Variants in UBE2QL1 observed in about 807,000 individuals in gnomAD.
The protein encoded by UBE2QL1 is ubiquitin-conjugating enzyme E2Q-like protein 1.
In UBE2QL1, 5 loss-of-function variants were observed where a neutral mutation model predicts 12.6. The ratio of observed to expected loss-of-function variants is 0.40; its 90% confidence interval spans 0.21 to 0.83. The LOEUF is 0.83. UBE2QL1 is among the 40% of genes least tolerant of loss of function. The pLI, the probability that UBE2QL1 is intolerant of heterozygous loss-of-function variation, is 0.37. For synonymous variants in UBE2QL1, 96 were observed against 94.5 expected (o/e 1.02, Z -0.10); for missense variants, 99 against 222.6 (o/e 0.44, Z 3.53).
chr5:6,485,073 T>A (rs1734437637), intron 1 of UBE2QL1, among the ~76,000 whole-genome samples: 2 of 152,150 alleles, frequency 1.3e-5, no homozygotes, highest in South Asian at 4.1e-4. Flanking sequence ...GATACATGTG[T>A]ATAAGTACCC....
At chr5:6,458,903 G>C (rs553726385) in intron 1 of UBE2QL1, among the ~76,000 whole-genome samples, 1 of 152,166 alleles carries the variant, frequency 6.6e-6, no homozygotes, top group South Asian at 2.1e-4. Flanking sequence ...CAAGGAGGCT[G>C]TTCTTTATCA....
intron 1 of UBE2QL1, among the ~76,000 whole-genome samples, chr5:6,485,320 G>A (rs1051834628): frequency 1.3e-5 from 2 of 152,184 alleles, no homozygotes; most frequent in Non-Finnish European, 2.9e-5. Context: ...TTTCTTAGAA[G>A]AGTCTGATCT....
At chr5:6,471,501 A>G (rs1045818573) in intron 1 of UBE2QL1, among the ~76,000 whole-genome samples, 4 of 152,188 alleles carry the variant, frequency 2.6e-5, no homozygotes, top group African/African-American at 9.7e-5. Flanking sequence ...TTCCTTGCCT[A>G]TGGGCCTCTC....
At position 6,476,988 on chromosome 5, in the gene UBE2QL1, C is replaced by T. The variant is rs1384239418; in HGVS notation, c.355-14230C>T. On this transcript the variant is annotated intron_variant, in intron 1 of 1. Coordinates refer to ENST00000399816, the MANE Select transcript of UBE2QL1 (RefSeq NM_001145161.3). This position sits in a 1 kb window ranked among gnomAD's most constrained non-coding sequence, Gnocchi z 4.9. ...TCCCCAGGATGGCCCACATGGAAGCCCACAGACCACCAGCCCACACCAGTG... is the reference window on the plus strand; with the variant it reads ...TCCCCAGGATGGCCCACATGGAAGCTCACAGACCACCAGCCCACACCAGTG... Among the ~76,000 whole-genome samples, 2 of 152,156 alleles carry T rather than the reference C, an allele frequency of 1.3e-5. No homozygotes were observed. Among genetic ancestry groups the T allele is most frequent in the East Asian group, 1.9e-4 (1 of 5,180 alleles).
chr5:6,449,080 C>G lies in UBE2QL1; in HGVS notation c.187C>G (p.Pro63Ala). 1 of 1,548,308 alleles carries G rather than the reference C, an allele frequency of 6.5e-7. No individual in the cohort carries two copies. Among genetic ancestry groups the G allele is most frequent in the Non-Finnish European group, 8.7e-7 (1 of 1,145,508 alleles). The change falls in exon 1 of 2, where the codon CCC (proline) becomes GCC (alanine). Residue 63 changes from proline (P) to alanine (A), a missense_variant. By Grantham distance (27) the Pro-to-Ala change is conservative. Transcript: ENST00000399816. The part of the protein sequence containing the change: ...LLNLTFPDNF[P>A]FSPPFMRVLS... ...CAACCTCACCTTCCCCGACAACTTCCCCTTCTCGCCGCCCTTCATGCGGGT... is the reference window on the plus strand; with the variant it reads ...CAACCTCACCTTCCCCGACAACTTCGCCTTCTCGCCGCCCTTCATGCGGGT...
chr5:6,468,156 T>A (rs1020550147), intron 1 of UBE2QL1, among the ~76,000 whole-genome samples: 2 of 152,232 alleles, frequency 1.3e-5, no homozygotes, highest in African/African-American at 2.4e-5. Flanking sequence ...CTCCTCTGCA[T>A]GTGTCCAAGG....
chr5:6,465,662 A>G (rs1739772341), intron 1 of UBE2QL1, among the ~76,000 whole-genome samples: 1 of 152,050 alleles, frequency 6.6e-6, no homozygotes, highest in Non-Finnish European at 1.5e-5. Context: ...GCCCCCAGCA[A>G]TTCAGACACA....
chr5:6,457,883 A>G (rs1215615367), intron 1 of UBE2QL1, among the ~76,000 whole-genome samples: 1 of 152,198 alleles, frequency 6.6e-6, no homozygotes, highest in African/African-American at 2.4e-5. Flanking sequence ...AATACTCAGA[A>G]TCAATCCACG....
intron 1 of UBE2QL1, among the ~76,000 whole-genome samples, chr5:6,451,041 T>A (rs910738083): frequency 6.6e-6 from 1 of 152,240 alleles, no homozygotes; most frequent in Non-Finnish European, 1.5e-5. Context: ...TCATTGCTAA[T>A]CAGAATTCTT....
At chr5:6,482,525 T>C (rs1560935747) in intron 1 of UBE2QL1, among the ~76,000 whole-genome samples, 1 of 152,106 alleles carries the variant, frequency 6.6e-6, no homozygotes, top group Non-Finnish European at 1.5e-5. Flanking sequence ...CCCCTGGAAG[T>C]TTCCTCCACT....
In UBE2QL1 at chr5:6,461,793, A is replaced by G. The variant is rs540034698; in HGVS notation, c.354+12546A>G. 2.0e-5 allele frequency among the ~76,000 whole-genome samples: 3 copies of G among 152,236 alleles called. No individual in the cohort carries two copies. In the East Asian group the frequency reaches 5.8e-4, roughly 29 times the overall value. On this transcript the variant is annotated intron_variant, in intron 1 of 1. Coordinates refer to ENST00000399816, the MANE Select transcript of UBE2QL1 (RefSeq NM_001145161.3). ...AGCTGTCACGTAATCTTTTAGTGAG[A>G]TGATTCCGATCACCCTATCCTGAGA...
At chr5:6,485,561 C>G (rs865797865) in intron 1 of UBE2QL1, among the ~76,000 whole-genome samples, 2 of 152,160 alleles carry the variant, frequency 1.3e-5, no homozygotes, top group Non-Finnish European at 2.9e-5. Context: ...GTCTTGCACA[C>G]GTTTACAACC....
chr5:6,490,869 T>C (rs1734554541), intron 1 of UBE2QL1, among the ~76,000 whole-genome samples: 1 of 152,186 alleles, frequency 6.6e-6, no homozygotes, highest in South Asian at 2.1e-4. Flanking sequence ...TGATGCCCTT[T>C]TGGTAAGGCC....
At chr5:6,480,550 G>A (rs1176740939) in intron 1 of UBE2QL1, among the ~76,000 whole-genome samples, 3 of 152,190 alleles carry the variant, frequency 2.0e-5, no homozygotes, top group Non-Finnish European at 4.4e-5. Context: ...AAATAACCTT[G>A]AGAGGATTAT....
In UBE2QL1 at chr5:6,475,906, C is replaced by T. The variant is rs546947944; in HGVS notation, c.355-15312C>T. ...AGAGCAATGATGTGCTGGGCAGAAA[C>T]GCACAGGCTCTCCAGGGCCTGGCCC... On this transcript the variant is annotated intron_variant, in intron 1 of 1. Transcript: ENST00000399816. Among the ~76,000 whole-genome samples the T allele has an allele frequency of 1.9e-3, 289 of 152,288 alleles. 1 individual carries two copies. Among genetic ancestry groups the T allele is most frequent in the African/African-American group, 6.7e-3 (277 of 41,554 alleles).
intron 1 of UBE2QL1, among the ~76,000 whole-genome samples, chr5:6,470,503 CA>C (rs199532079): frequency 0.012 from 1,793 of 152,270 alleles, 10 homozygotes; most frequent in Non-Finnish European, 0.013. Flanking sequence ...CACCCGTGAA[CA>C]CACACACATG....
At chr5:6,464,534 C>G (rs1739743615) in intron 1 of UBE2QL1, among the ~76,000 whole-genome samples, 1 of 152,152 alleles carries the variant, frequency 6.6e-6, no homozygotes, top group Non-Finnish European at 1.5e-5. Context: ...GTTCTTGGCC[C>G]CTGCTAGCTG....
At position 6,494,259 on chromosome 5, in the gene UBE2QL1, T is replaced by C. The variant is rs1734628054; in HGVS notation, c.*2910T>C. The C allele has an allele frequency of 6.6e-6, 1 of 152,186 alleles. No individual in the cohort carries two copies. Among genetic ancestry groups the C allele is most frequent in the Non-Finnish European group, 1.5e-5 (1 of 68,044 alleles). 9.4% of individuals were successfully genotyped at this position (152,186 alleles called of 1,614,324 possible). A position where few individuals can be genotyped will look rare whatever the true frequency, so the allele number is the denominator to read the frequency against. On this transcript the variant is annotated 3_prime_UTR_variant, in exon 2 of 2. Transcript: ENST00000399816. ...ACTTTCTAGAAGACTGAGAACTGCT[T>C]ATGCCTTAGGGAGTTCTATGTGAGC...
rs542245220 is a variant in UBE2QL1, at chr5:6,471,893, A to G, written c.355-19325A>G. On this transcript the variant is annotated intron_variant, in intron 1 of 1. Transcript: ENST00000399816. ...AATTCTGGCATACACGTTCATGTAA[A>G]CCACATTTGTATTGTGACTTTCACT... 1.1e-4 allele frequency among the ~76,000 whole-genome samples: 16 copies of G among 152,256 alleles called. No individual in the cohort carries two copies. In the South Asian group the frequency reaches 3.1e-3, roughly 30 times the overall value.
Sources: allele counts gnomAD v4.1 joint callset (sites outside exome capture counted in the v4.1 genomes callset), GRCh38; gene constraint gnomAD v4.1.1; non-coding constraint Gnocchi (gnomAD v3.1); transcripts MANE v1.5; gene names NCBI Gene and HGNC (gene_info 2026-07-23, HGNC 2026-07-21).